ADAMTS14: variants seen among roughly 807,000 people sequenced by gnomAD.
ADAMTS14 encodes ADAM metallopeptidase with thrombospondin type 1 motif 14, also known as A disintegrin and metalloproteinase with thrombospondin motifs 14.
In ADAMTS14, 100 loss-of-function variants were observed where a neutral mutation model predicts 128.6. The observed-to-expected ratio is 0.78, with a 90% CI of 0.66 to 0.92. The LOEUF is 0.92. Among genes scored for constraint, ADAMTS14 ranks in the 40% least tolerant of loss-of-function variants. The pLI, the probability that ADAMTS14 is intolerant of heterozygous loss-of-function variation, is 0.00. For missense variants in ADAMTS14, 1,562 were observed against 1,658.6 expected (o/e 0.94, Z 1.01); for synonymous variants, 665 against 653.8 (o/e 1.02, Z -0.26).
chr10:70,735,604 T>C (rs955355043), intron 9 of ADAMTS14, among the ~76,000 whole-genome samples: 3 of 152,180 alleles, frequency 2.0e-5, no homozygotes, highest in Non-Finnish European at 2.9e-5. Flanking sequence ...AGATAAGTTG[T>C]TGGGCTCTGG....
At chr10:70,746,914 C>T (rs972820162) in intron 15 of ADAMTS14, among the ~76,000 whole-genome samples, 4 of 151,908 alleles carry the variant, frequency 2.6e-5, no homozygotes, top group African/African-American at 9.7e-5. Flanking sequence ...TTGCAGAGGA[C>T]GTGCAGGCCA....
intron 1 of ADAMTS14, 144 bp from the exon 2 acceptor site, chr10:70,674,411 AT>A: frequency 1.3e-6 from 1 of 762,132 alleles, no homozygotes; most frequent in Non-Finnish European, 2.1e-6. Context: ...GAAGCAATGG[AT>A]GGAAAATGGG....
chr10:70,685,077 C>A (rs927455402), intron 2 of ADAMTS14, among the ~76,000 whole-genome samples: 21 of 152,352 alleles, frequency 1.4e-4, no homozygotes, highest in African/African-American at 5.1e-4. Flanking sequence ...TCCTCTGTGT[C>A]TTCAGGCACT....
chr10:70,712,175 G>A (rs771677302), intron 4 of ADAMTS14, among the ~76,000 whole-genome samples: 1 of 152,034 alleles, frequency 6.6e-6, no homozygotes, highest in African/African-American at 2.4e-5. Context: ...GCTGGGGACC[G>A]ATCCCATTAG....
At chr10:70,746,738 A>ATT (rs200733222) in intron 15 of ADAMTS14, among the ~76,000 whole-genome samples, 1 of 151,678 alleles carries the variant, frequency 6.6e-6, no homozygotes, top group East Asian at 1.9e-4. Context: ...CTCAAAAAAA[A>ATT]TTTTTTTTTC....
Position 70,745,295 on chromosome 10 carries a change from C to T in ADAMTS14, c.2252C>T (p.Pro751Leu). 2 of 1,612,536 alleles carry T rather than the reference C, an allele frequency of 1.2e-6. No homozygotes were observed. The highest frequency in any genetic ancestry group is 1.7e-6 in the Non-Finnish European group (2 of 1,179,970). Residue 751 changes from proline (P) to leucine (L), a missense_variant, in exon 15 of 22, where the codon CCC becomes CTC. Pro to Leu is a moderately conservative substitution (Grantham distance 98, BLOSUM62 -3). Transcript: ENST00000373207. ...CAGATTGAGGCACTGGAGAAGTCCC[C>T]CCACCGCATTGGTGAGTGCTGGGGT... ...HIQIEALEKS[P>L]HRIVVKNQVT...
At chr10:70,743,786 C>G in intron 13 of ADAMTS14, 105 bp downstream of exon 13, 2 of 1,412,436 alleles carry the variant, frequency 1.4e-6, no homozygotes, top group Non-Finnish European at 1.9e-6. Flanking sequence ...CCGGCCCACT[C>G]GCAACACCCT....
chr10:70,687,443 CGGCTGGCCGGGCGG>C lies in ADAMTS14; in HGVS notation c.522+12449_522+12462del, dbSNP rs1564520334. Among the ~76,000 whole-genome samples, 155 of 30,982 alleles carry C rather than the reference CGGCTGGCCGGGCGG, an allele frequency of 5.0e-3. 19 individuals are homozygous for C. Among genetic ancestry groups the C allele is most frequent in the Admixed American group, 8.3e-3 (37 of 4,464 alleles). The allele number at this position is 30,982 out of a possible 152,430, so 20.3% of individuals were successfully genotyped here. Reference sequence around the variant, plus strand: ...GGCGCCCCTCAACTCCCAGACGGGGCGGCTGGCCGGGCGGAGGGCTGACCCCCCCACCTCCCTCC... The same window carrying C: ...GGCGCCCCTCAACTCCCAGACGGGGCAGGGCTGACCCCCCCACCTCCCTCC... On this transcript the variant is annotated intron_variant, in intron 2 of 21. Transcript: ENST00000373207.
At chr10:70,697,490 C>T (rs1335439730) in intron 2 of ADAMTS14, among the ~76,000 whole-genome samples, 1 of 152,230 alleles carries the variant, frequency 6.6e-6, no homozygotes, top group Non-Finnish European at 1.5e-5. Flanking sequence ...TCTTTGTTGG[C>T]TCCAGGTACC....
intron 4 of ADAMTS14, among the ~76,000 whole-genome samples, chr10:70,728,976 G>A (rs954343561): frequency 4.6e-5 from 7 of 152,224 alleles, no homozygotes; most frequent in African/African-American, 7.2e-5. Context: ...CTCTCCAGAC[G>A]TGGAAAGATG....
chr10:70,681,669 G>A (rs1438628771), intron 2 of ADAMTS14, among the ~76,000 whole-genome samples: 5 of 152,202 alleles, frequency 3.3e-5, no homozygotes, highest in Admixed American at 6.5e-5. Context: ...GTGAGTAGGC[G>A]TCCTGTGGGC....
chr10:70,732,367 G>A lies in ADAMTS14; in HGVS notation c.1208+8G>A, dbSNP rs199521619. On this transcript the variant is annotated splice_region_variant and intron_variant, in intron 7 of 21. Coordinates refer to ENST00000373207, the MANE Select transcript of ADAMTS14 (RefSeq NM_080722.4). ...TCATGAGACCGGCCACGTGTAAGTG[G>A]CAGCAGCACGGTGGGTGGGACTGGC... 2 of 1,609,006 alleles carry A rather than the reference G, an allele frequency of 1.2e-6. No homozygotes were observed. Among genetic ancestry groups the A allele is most frequent in the African/African-American group, 1.3e-5 (1 of 74,954 alleles).
At chr10:70,675,851 A>ACC in intron 2 of ADAMTS14, among the ~76,000 whole-genome samples, 1 of 152,270 alleles carries the variant, frequency 6.6e-6, no homozygotes, top group African/African-American at 2.4e-5. Context: ...TGCCCCAGAG[A>ACC]CATCAGATGT....
chr10:70,742,545 A>G lies in ADAMTS14; in HGVS notation c.1925-1003A>G, dbSNP rs549526336. On this transcript the variant is annotated intron_variant, in intron 12 of 21. Coordinates refer to ENST00000373207, the MANE Select transcript of ADAMTS14 (RefSeq NM_080722.4). Reference sequence around the variant, plus strand: ...GGAGTTACCAGCTGTGCTGGAGCCCAGGGACCAGAGCAGAGCCCAAGAGTT... The same window carrying G: ...GGAGTTACCAGCTGTGCTGGAGCCCGGGGACCAGAGCAGAGCCCAAGAGTT... Among the ~76,000 whole-genome samples, 11 of 152,388 alleles carry G rather than the reference A, an allele frequency of 7.2e-5. No homozygotes were observed. The South Asian group carries it at 2.3e-3, about 32-fold the overall frequency.
At chr10:70,695,816 G>A (rs1174262676) in intron 2 of ADAMTS14, among the ~76,000 whole-genome samples, 1 of 152,220 alleles carries the variant, frequency 6.6e-6, no homozygotes, top group African/African-American at 2.4e-5. Flanking sequence ...GATATAAACT[G>A]GAAGTCATTT....
intron 2 of ADAMTS14, among the ~76,000 whole-genome samples, chr10:70,685,068 C>T (rs969366624): frequency 6.6e-6 from 1 of 152,240 alleles, no homozygotes; most frequent in Non-Finnish European, 1.5e-5. Flanking sequence ...TATTTTTCTT[C>T]CTCTGTGTCT....
At chr10:70,757,226 C>T (rs370007640) in intron 19 of ADAMTS14, among the ~76,000 whole-genome samples, 7 of 152,258 alleles carry the variant, frequency 4.6e-5, no homozygotes, top group African/African-American at 1.4e-4. Context: ...GTCCAGGGGA[C>T]GATGTGTGTG....
rs750200846 is a variant in ADAMTS14 at position 70,757,995 on chromosome 10, C to T, written c.2971C>T (p.Arg991Trp). ...SATCGEGIQQ[R>W]QVVCRTNANS... ...CACCTGTGGAGAGGGCATCCAGCAG[C>T]GGCAGGTGGTGTGCAGGACCAACGC... Residue 991 changes from arginine to tryptophan, a missense_variant, in exon 20 of 22, where the codon CGG becomes TGG. By Grantham distance (101) the Arg-to-Trp change is moderately radical. Transcript: ENST00000373207. The T allele has an allele frequency of 1.4e-5, 22 of 1,612,916 alleles. No individual in the cohort carries two copies. The highest frequency in any genetic ancestry group is 3.3e-5 in the Admixed American group (2 of 59,958).
At chr10:70,706,603 C>T (rs995091718) in intron 3 of ADAMTS14, among the ~76,000 whole-genome samples, 9 of 152,174 alleles carry the variant, frequency 5.9e-5, no homozygotes, top group Admixed American at 2.6e-4. Flanking sequence ...GAGCTTAGAG[C>T]GGTGCCAGCC....
Sources: gnomAD v4.1 joint callset for allele counts (sites outside exome capture counted in the v4.1 genomes callset) on GRCh38, gnomAD v4.1.1 for gene constraint, MANE v1.5 for transcripts, NCBI Gene and HGNC (gene_info 2026-07-23, HGNC 2026-07-21) for gene names.